The following FOXJ3 variants were observed in gnomAD, a reference collection of about 807,000 sequenced individuals.
The protein encoded by FOXJ3 is forkhead box J3, also known as forkhead box protein J3.
In FOXJ3, 22 loss-of-function variants were observed where a neutral mutation model predicts 76.1. The ratio of observed to expected loss-of-function variants is 0.29; its 90% confidence interval spans 0.21 to 0.41. FOXJ3 has a LOEUF of 0.41. FOXJ3 is among the 10% of genes least tolerant of loss of function. The pLI is 1.00. For missense variants in FOXJ3, 613 were observed against 762.1 expected, an observed-to-expected ratio of 0.80 and a Z score of 2.30; for synonymous variants, 269 against 261.2, an observed-to-expected ratio of 1.03 and a Z score of -0.29.
rs1646263853 is a variant in FOXJ3, at chr1:42,178,884, T to C, written c.*826A>G. On this transcript the variant is annotated 3_prime_UTR_variant, in exon 13 of 13. Coordinates refer to ENST00000361346, the MANE Select transcript of FOXJ3 (RefSeq NM_014947.5). ...CATTCACAGAAGGTAGCAATAAATA[T>C]TAAAATGACACTTTTGAATAATAAA... 1 of 152,654 alleles carries C rather than the reference T, an allele frequency of 6.6e-6. No homozygotes were observed. Among genetic ancestry groups the C allele is most frequent in the South Asian group, 2.1e-4 (1 of 4,836 alleles). 9.5% of individuals were successfully genotyped at this position (152,654 alleles called of 1,614,324 possible).
chr1:42,315,137 T>C (rs955493289), intron 1 of FOXJ3, among the ~76,000 whole-genome samples: 6 of 152,172 alleles, frequency 3.9e-5, no homozygotes, highest in African/African-American at 1.4e-4. Context: ...CTGGCAAATC[T>C]ATAGAAATGA....
In FOXJ3 at chr1:42,311,083, T is replaced by C; in HGVS notation, c.11A>G (p.Tyr4Cys). The change falls in exon 2 of 13, where the codon TAT becomes TGT. Residue 4 changes from tyrosine (Y) to cysteine (C), a missense_variant. Tyr to Cys is a radical substitution (Grantham distance 194, BLOSUM62 -2). Transcript: ENST00000361346. The part of the protein sequence containing the change: MGL[Y>C]GQACPSVTSL... ...AGTTACAGATGGACAAGCCTGTCCATACAAACCCATCTGGCCACAAAGAGA... is the reference window on the plus strand; with the variant it reads ...AGTTACAGATGGACAAGCCTGTCCACACAAACCCATCTGGCCACAAAGAGA... 1.3e-6 allele frequency: 2 copies of C among 1,596,404 alleles called. No homozygotes were observed. Among genetic ancestry groups the C allele is most frequent in the East Asian group, 4.5e-5 (2 of 44,616 alleles).
chr1:42,206,013 T>C (rs1646854361), intron 5 of FOXJ3, 150 bp from the exon 6 acceptor site: 1 of 584,786 alleles, frequency 1.7e-6, no homozygotes, highest in Non-Finnish European at 3.0e-6. Flanking sequence ...TCTCTTCTAC[T>C]AAATTTTAGT....
chr1:42,335,787 A>C (rs1422408339), upstream of FOXJ3: 1 of 134,730 alleles, frequency 7.4e-6, no homozygotes, highest in African/African-American at 2.7e-5. Flanking sequence ...ATGTCTGCGG[A>C]GGCCTTTCCC....
chr1:42,264,313 T>C (rs1287681877), intron 4 of FOXJ3, among the ~76,000 whole-genome samples: 5 of 152,086 alleles, frequency 3.3e-5, no homozygotes, highest in African/African-American at 9.7e-5. Flanking sequence ...CAGTAAAGAA[T>C]ATTTTACAAG....
At chr1:42,292,209 A>G (rs752227992) in intron 2 of FOXJ3, among the ~76,000 whole-genome samples, 19 of 152,208 alleles carry the variant, frequency 1.2e-4, no homozygotes, top group Non-Finnish European at 2.6e-4. Context: ...CTACACACCT[A>G]CCAAAAAGGC....
At chr1:42,267,444 T>TGACA (rs1651549473) in intron 3 of FOXJ3, among the ~76,000 whole-genome samples, 2 of 152,158 alleles carry the variant, frequency 1.3e-5, no homozygotes, top group Non-Finnish European at 2.9e-5. Context: ...TCCACATTAC[T>TGACA]GACAGACAGA....
chr1:42,290,904 A>C (rs1653373671), intron 2 of FOXJ3, among the ~76,000 whole-genome samples: 1 of 152,088 alleles, frequency 6.6e-6, no homozygotes, highest in Non-Finnish European at 1.5e-5. Context: ...TCTTTTCTCA[A>C]TTTCAAAAGC....
chr1:42,300,688 G>C (rs980020662), intron 2 of FOXJ3, among the ~76,000 whole-genome samples: 1 of 152,160 alleles, frequency 6.6e-6, no homozygotes, highest in African/African-American at 2.4e-5. Context: ...TGAGCAAGAG[G>C]ATCACCTGAG....
chr1:42,246,196 G>A (rs996874061), intron 4 of FOXJ3, among the ~76,000 whole-genome samples: 13 of 152,134 alleles, frequency 8.5e-5, no homozygotes, highest in African/African-American at 3.1e-4. Context: ...GCATAGCAAA[G>A]TAAATAATCA....
chr1:42,195,242 C>G (rs1338409964), intron 7 of FOXJ3, among the ~76,000 whole-genome samples, 178 bp from the exon 8 acceptor site: 1 of 152,178 alleles, frequency 6.6e-6, no homozygotes, highest in South Asian at 2.1e-4. Flanking sequence ...AACAGCTAAA[C>G]TGAATCTTGA....
intron 3 of FOXJ3, among the ~76,000 whole-genome samples, chr1:42,269,106 C>T (rs904103429): frequency 2.0e-5 from 3 of 151,868 alleles, no homozygotes; most frequent in Admixed American, 2.0e-4. Context: ...GTTATAGCAG[C>T]CTGAATGAAC....
chr1:42,276,182 CCT>C (rs1242011533), intron 3 of FOXJ3, among the ~76,000 whole-genome samples: 3 of 151,896 alleles, frequency 2.0e-5, no homozygotes, highest in Admixed American at 2.0e-4. Context: ...ATGGTGAAAC[CCT>C]GTCTCTACTA....
intron 4 of FOXJ3, among the ~76,000 whole-genome samples, chr1:42,241,327 G>A (rs1050450618): frequency 1.3e-4 from 20 of 152,092 alleles, no homozygotes; most frequent in African/African-American, 3.1e-4. Context: ...ACTTGTACAC[G>A]CCTTGAGGAC....
At position 42,178,342 on chromosome 1, in the gene FOXJ3, T is replaced by C. The variant is rs928637441; in HGVS notation, c.*1368A>G. On this transcript the variant is annotated 3_prime_UTR_variant, in exon 13 of 13. Coordinates refer to ENST00000361346, the MANE Select transcript of FOXJ3 (RefSeq NM_014947.5). Reference sequence around the variant, plus strand: ...CTGTTGTTGCCCAAATGAAATCTGATTCAAATTCCAGAAAAATCCGATTTA... The same window carrying C: ...CTGTTGTTGCCCAAATGAAATCTGACTCAAATTCCAGAAAAATCCGATTTA... 6.6e-6 allele frequency: 1 copy of C among 152,212 alleles called. No individual in the cohort carries two copies. Among genetic ancestry groups the C allele is most frequent in the African/African-American group, 2.4e-5 (1 of 41,442 alleles). 9.4% of individuals were successfully genotyped at this position (152,212 alleles called of 1,614,324 possible).
At position 42,205,847 on chromosome 1, in the gene FOXJ3, C is replaced by A; in HGVS notation, c.545G>T (p.Ser182Ile). ...RSVERASTPY[S>I]IDSDSLGMEC... The stretch of plus-strand genomic sequence containing the variant: ...CATTCCCAAAGAATCTGAATCTATG[C>A]TATATGGAGTTGAGGCCTAAAATAC... The change falls in exon 6 of 13, where the codon AGC becomes ATC. Residue 182 changes from serine to isoleucine, a missense_variant. Ser to Ile is a moderately radical substitution (Grantham distance 142). Transcript: ENST00000361346. The A allele has an allele frequency of 6.2e-7, 1 of 1,607,874 alleles. No individual in the cohort carries two copies. Among genetic ancestry groups the A allele is most frequent in the Non-Finnish European group, 8.5e-7 (1 of 1,174,826 alleles).
In FOXJ3 at chr1:42,218,398, T is replaced by C. The variant is rs563250538; in HGVS notation, c.528+9485A>G. ...ATACTTGTAATCACCTTCAGGTGAT[T>C]GTAAACAACTTCAGGAAAAAGTAAT... On this transcript the variant is annotated intron_variant, in intron 5 of 12. Coordinates refer to ENST00000361346, the MANE Select transcript of FOXJ3 (RefSeq NM_014947.5). Among the ~76,000 whole-genome samples the C allele has an allele frequency of 2.0e-5, 3 of 152,316 alleles. No individual in the cohort carries two copies. In the South Asian group the frequency reaches 6.2e-4, roughly 32 times the overall value.
intron 4 of FOXJ3, among the ~76,000 whole-genome samples, chr1:42,238,304 G>C (rs982737371): frequency 6.6e-6 from 1 of 151,630 alleles, no homozygotes; most frequent in Non-Finnish European, 1.5e-5. Flanking sequence ...AAAGTGCTGT[G>C]ATTATGGCAT....
intron 5 of FOXJ3, among the ~76,000 whole-genome samples, chr1:42,213,858 C>T (rs762936716): frequency 2.0e-5 from 3 of 152,120 alleles, no homozygotes; most frequent in African/African-American, 4.8e-5. Context: ...TGTTCTATTG[C>T]ACATCCCAAT....
Sources: allele counts gnomAD v4.1 joint callset (sites outside exome capture counted in the v4.1 genomes callset), GRCh38; gene constraint gnomAD v4.1.1; transcripts MANE v1.5; gene names NCBI Gene and HGNC (gene_info 2026-07-23, HGNC 2026-07-21).